The following CDK19 variants were observed in gnomAD, a reference collection of about 807,000 sequenced individuals.
CDK19 encodes the protein cyclin dependent kinase 19.
In CDK19, 20 loss-of-function variants were observed where a neutral mutation model predicts 68.3. That is an observed-to-expected ratio of 0.29 (90% CI 0.21 to 0.43). The LOEUF (loss-of-function observed/expected upper bound fraction) is 0.43. Among genes scored for constraint, CDK19 ranks in the 20% least tolerant of loss-of-function variants. The pLI, the probability that CDK19 is intolerant of heterozygous loss-of-function variation, is 1.00. For synonymous variants in CDK19, 221 were observed against 222.8 expected (o/e 0.99, Z 0.07); for missense variants, 339 against 623.5 (o/e 0.54, Z 4.86).
intron 2 of CDK19, 35 bp downstream of exon 2, chr6:110,746,088 CAAT>C: frequency 9.5e-7 from 1 of 1,052,444 alleles, no homozygotes; most frequent in South Asian, 1.7e-5. Context: ...CACCCAATAT[CAAT>C]AATAAAATAA....
intron 2 of CDK19, among the ~76,000 whole-genome samples, chr6:110,739,636 A>AT (rs978528741): frequency 5.4e-4 from 79 of 146,704 alleles, no homozygotes; most frequent in Non-Finnish European, 6.5e-4. Context: ...ATATATATAC[A>AT]TTTTTTTTTT....
chr6:110,617,226 C>T (rs552993211), intron 12 of CDK19, among the ~76,000 whole-genome samples: 1 of 152,320 alleles, frequency 6.6e-6, no homozygotes, highest in South Asian at 2.1e-4. Flanking sequence ...ATTACTCTAA[C>T]TTCCCCCTAC....
At chr6:110,756,635 A>G (rs954840883) in intron 1 of CDK19, among the ~76,000 whole-genome samples, 3 of 151,800 alleles carry the variant, frequency 2.0e-5, no homozygotes, top group African/African-American at 4.9e-5. Context: ...ATGAATATGT[A>G]TGCATATGTG....
chr6:110,777,472 T>C (rs1461719824), intron 1 of CDK19, among the ~76,000 whole-genome samples: 2 of 151,866 alleles, frequency 1.3e-5, no homozygotes, highest in Admixed American at 6.6e-5. Flanking sequence ...AAGGAAAAAC[T>C]AAAAAATAAA....
At chr6:110,668,089 G>GA (rs1782055432) in intron 3 of CDK19, among the ~76,000 whole-genome samples, 1 of 152,098 alleles carries the variant, frequency 6.6e-6, no homozygotes, top group African/African-American at 2.4e-5. Context: ...GGAAGAGAGA[G>GA]AAAAAATAGG....
At chr6:110,734,520 GCTCTCTCT>G (rs34004722) in intron 2 of CDK19, among the ~76,000 whole-genome samples, 104 of 85,780 alleles carry the variant, frequency 1.2e-3, no homozygotes, top group East Asian at 7.7e-3. Context: ...GGTGAGCACT[GCTCTCTCT>G]CTCTCTCTCT....
intron 1 of CDK19, among the ~76,000 whole-genome samples, chr6:110,759,424 A>T (rs1193017796): frequency 0.018 from 1,904 of 106,918 alleles, 39 homozygotes; most frequent in African/African-American, 0.068. Context: ...AAAAAAAAAA[A>T]AAAAATATAT....
intron 2 of CDK19, among the ~76,000 whole-genome samples, chr6:110,713,469 CTCTTG>C (rs1285446476): frequency 1.0e-4 from 7 of 67,412 alleles, no homozygotes; most frequent in African/African-American, 3.7e-4. Flanking sequence ...TCAAGTGATC[CTCTTG>C]TCTCAAAAAA....
At position 110,786,939 on chromosome 6, in the gene CDK19, A is replaced by T. The variant is rs1259673372; in HGVS notation, c.128+28070T>A. 2.0e-5 allele frequency among the ~76,000 whole-genome samples: 3 copies of T among 152,158 alleles called. No homozygotes were observed. In the East Asian group the frequency reaches 5.8e-4, roughly 29 times the overall value. On this transcript the variant is annotated intron_variant, in intron 1 of 12. Coordinates refer to ENST00000368911, the MANE Select transcript of CDK19 (RefSeq NM_015076.5). ...ATAGATAAGGGCAGTCCTAATCATAAACCCAAACTGCATTTGCACACAATG... is the reference window on the plus strand; with the variant it reads ...ATAGATAAGGGCAGTCCTAATCATATACCCAAACTGCATTTGCACACAATG...
chr6:110,724,802 C>A (rs1479329958), intron 2 of CDK19, among the ~76,000 whole-genome samples: 1 of 151,110 alleles, frequency 6.6e-6, no homozygotes. Flanking sequence ...GTTTCTGTGC[C>A]GGAATTAAGT....
At chr6:110,714,722 CTT>C (rs112875656) in intron 2 of CDK19, among the ~76,000 whole-genome samples, 2 of 69,848 alleles carry the variant, frequency 2.9e-5, no homozygotes, top group East Asian at 2.8e-4. Flanking sequence ...AATGTCTTTT[CTT>C]TTTTTTTTTT....
At chr6:110,682,116 T>C (rs1014567762) in intron 2 of CDK19, among the ~76,000 whole-genome samples, 13 of 152,236 alleles carry the variant, frequency 8.5e-5, no homozygotes, top group African/African-American at 2.9e-4. Flanking sequence ...GACTCCTTTT[T>C]CAAGGGCATT....
rs1191579331 is a variant in CDK19 at position 110,623,367 on chromosome 6, A to G, written c.861-5T>C. The G allele has an allele frequency of 6.2e-7, 1 of 1,613,646 alleles. No individual in the cohort carries two copies. The highest frequency in any genetic ancestry group is 8.5e-7 in the Non-Finnish European group (1 of 1,179,672). On this transcript the variant is annotated splice_region_variant and splice_polypyrimidine_tract_variant and intron_variant, in intron 8 of 12. Transcript: ENST00000368911. ...ATGAGGCTACTGTTGGCATACCTGC[A>G]AGGACACGCACAGTCACACATCACT...
intron 2 of CDK19, among the ~76,000 whole-genome samples, chr6:110,703,638 A>T (rs1774196895): frequency 6.6e-6 from 1 of 152,108 alleles, no homozygotes; most frequent in Non-Finnish European, 1.5e-5. Context: ...CCAGGCATTA[A>T]AAACCAGCCT....
chr6:110,640,054 T>C (rs1373760287), intron 4 of CDK19, among the ~76,000 whole-genome samples: 1 of 151,962 alleles, frequency 6.6e-6, no homozygotes, highest in Non-Finnish European at 1.5e-5. Context: ...ATTCTGTTTC[T>C]ACAAATAATT....
At chr6:110,765,600 GA>G (rs1254150576) in intron 1 of CDK19, among the ~76,000 whole-genome samples, 2 of 150,418 alleles carry the variant, frequency 1.3e-5, no homozygotes, top group Non-Finnish European at 3.0e-5. Context: ...AGAATTGCTT[GA>G]ACCCGGGAGG....
chr6:110,657,085 T>C (rs1404386584), intron 4 of CDK19, among the ~76,000 whole-genome samples: 1 of 152,232 alleles, frequency 6.6e-6, no homozygotes, highest in Non-Finnish European at 1.5e-5. Context: ...ATTCTCAGAC[T>C]GAGCTCTCTT....
intron 2 of CDK19, among the ~76,000 whole-genome samples, chr6:110,744,251 C>T (rs1340012697): frequency 8.5e-6 from 1 of 118,202 alleles, no homozygotes; most frequent in African/African-American, 2.8e-5. Context: ...AGGTGATCCA[C>T]CCCCCCAACA....
chr6:110,661,669 A>G (rs1781626318), intron 4 of CDK19, among the ~76,000 whole-genome samples: 1 of 152,192 alleles, frequency 6.6e-6, no homozygotes, highest in Non-Finnish European at 1.5e-5. Context: ...AAGTATTGGC[A>G]AGGTTTTTTG....
Sources: gnomAD v4.1 joint callset for allele counts (sites outside exome capture counted in the v4.1 genomes callset) on GRCh38, gnomAD v4.1.1 for gene constraint, MANE v1.5 for transcripts, NCBI Gene and HGNC (gene_info 2026-07-23, HGNC 2026-07-21) for gene names.